PPARGC1A: variants seen among roughly 807,000 people sequenced by gnomAD.
PPARGC1A encodes PPARG coactivator 1 alpha, also known as peroxisome proliferator-activated receptor gamma coactivator 1-alpha.
PPARGC1A carries 25 observed loss-of-function variants against 88.7 expected under a neutral mutation model. That is an observed-to-expected ratio of 0.28 (90% CI 0.21 to 0.39). PPARGC1A has a LOEUF of 0.39. Among genes scored for constraint, PPARGC1A ranks in the 10% least tolerant of loss-of-function variants. The probability of loss-of-function intolerance (pLI) is 1.00; values close to 1 mark genes in which losing one functional copy is unlikely to be tolerated. For synonymous variants in PPARGC1A, 363 were observed against 355.6 expected, an observed-to-expected ratio of 1.02 and a Z score of -0.24; for missense variants, 880 against 968.7, an observed-to-expected ratio of 0.91 and a Z score of 1.22.
chr4:23,976,664 C>T, the PPARGC1A span, among the ~76,000 whole-genome samples: 1 of 152,036 alleles, frequency 6.6e-6, no homozygotes, highest in East Asian at 1.9e-4. Flanking sequence ...CCAACAGTAT[C>T]CATAAGATGA....
At chr4:23,827,731 TAGAA>T (rs1279136881) in intron 5 of PPARGC1A, among the ~76,000 whole-genome samples, 1 of 152,068 alleles carries the variant, frequency 6.6e-6, no homozygotes, top group Non-Finnish European at 1.5e-5. Flanking sequence ...CTTTCTTAAA[TAGAA>T]AGAAAACAAT....
chr4:24,148,537 A>G, the PPARGC1A span, among the ~76,000 whole-genome samples: 1 of 152,310 alleles, frequency 6.6e-6, no homozygotes, highest in South Asian at 2.1e-4. Flanking sequence ...ATAAGATGTA[A>G]GCAACATAGC....
At chr4:24,082,955 A>T in the PPARGC1A span, among the ~76,000 whole-genome samples, 3 of 152,206 alleles carry the variant, frequency 2.0e-5, no homozygotes, top group Non-Finnish European at 4.4e-5. Context: ...TTGTACCAAG[A>T]GGTACATAAA....
chr4:24,309,839 T>C, the PPARGC1A span, among the ~76,000 whole-genome samples: 3 of 152,166 alleles, frequency 2.0e-5, no homozygotes, highest in Non-Finnish European at 4.4e-5. Context: ...AGACCAATCC[T>C]GAGAGAGTAT....
At chr4:23,993,189 G>T in the PPARGC1A span, among the ~76,000 whole-genome samples, 1 of 152,116 alleles carries the variant, frequency 6.6e-6, no homozygotes, top group South Asian at 2.1e-4. Context: ...AAACTAAATG[G>T]AACAATGATG....
the PPARGC1A span, among the ~76,000 whole-genome samples, chr4:24,245,883 T>C: frequency 1.3e-5 from 2 of 151,958 alleles, no homozygotes; most frequent in Non-Finnish European, 2.9e-5. Context: ...GTTTTATTAT[T>C]AGTACATGGT....
the PPARGC1A span, among the ~76,000 whole-genome samples, chr4:23,996,612 A>C: frequency 3.9e-5 from 6 of 152,124 alleles, no homozygotes; most frequent in Non-Finnish European, 8.8e-5. Flanking sequence ...TCTTGAAAAC[A>C]CTTCCTAATG....
chr4:24,024,391 T>C, the PPARGC1A span, among the ~76,000 whole-genome samples: 3 of 152,206 alleles, frequency 2.0e-5, no homozygotes, highest in Non-Finnish European at 2.9e-5. Flanking sequence ...TTCCTTCCAC[T>C]ACATCAGCAG....
At chr4:24,251,754 C>T in the PPARGC1A span, among the ~76,000 whole-genome samples, 1 of 152,140 alleles carries the variant, frequency 6.6e-6, no homozygotes, top group African/African-American at 2.4e-5. Flanking sequence ...ATGATTCAAA[C>T]CCAGGCCTGT....
chr4:24,145,935 G>A, the PPARGC1A span, among the ~76,000 whole-genome samples: 1 of 152,172 alleles, frequency 6.6e-6, no homozygotes, highest in Non-Finnish European at 1.5e-5. Context: ...ACATTTCAAT[G>A]TTGGGAGAGG....
chr4:24,225,303 C>T, the PPARGC1A span, among the ~76,000 whole-genome samples: 21 of 152,136 alleles, frequency 1.4e-4, no homozygotes, highest in Non-Finnish European at 2.1e-4. Context: ...GGCACGGTGG[C>T]TCACGCCTCT....
the PPARGC1A span, among the ~76,000 whole-genome samples, chr4:24,229,152 CTT>C: frequency 3.1e-4 from 19 of 60,914 alleles, no homozygotes; most frequent in African/African-American, 5.9e-4. Flanking sequence ...GTATCTGGAC[CTT>C]TTTTTTTTTT....
In PPARGC1A at chr4:23,831,666, G is replaced by T. The variant is rs773848879; in HGVS notation, c.320C>A (p.Pro107His). 1.9e-6 allele frequency: 3 copies of T among 1,613,946 alleles called. No homozygotes were observed. In the Admixed American group the frequency reaches 5.0e-5, roughly 27 times the overall value. Reference sequence around the variant, plus strand: ...TCCATCTGTCAGCGCATCAAATGAGGGCAATCCGTCTTCATCCACAGGGAG... The same window carrying T: ...TCCATCTGTCAGCGCATCAAATGAGTGCAATCCGTCTTCATCCACAGGGAG... ...DSLPVDEDGLPSFDALTDGDV... is the reference protein window; with the variant it reads ...DSLPVDEDGLHSFDALTDGDV... The change falls in exon 3 of 13, where the codon CCC becomes CAC. Residue 107 changes from proline to histidine, a missense_variant. Pro to His is a moderately conservative substitution (Grantham distance 77). Coordinates refer to ENST00000264867, the MANE Select transcript of PPARGC1A (RefSeq NM_013261.5).
chr4:24,231,546 G>A, the PPARGC1A span, among the ~76,000 whole-genome samples: 1 of 152,130 alleles, frequency 6.6e-6, no homozygotes, highest in East Asian at 1.9e-4. Flanking sequence ...CATGTTTTGG[G>A]ACTTTACCCA....
At chr4:24,252,076 G>A in the PPARGC1A span, among the ~76,000 whole-genome samples, 1 of 151,834 alleles carries the variant, frequency 6.6e-6, no homozygotes, top group Non-Finnish European at 1.5e-5. Flanking sequence ...TAAGCATTTT[G>A]GAAGGAAATC....
At chr4:24,103,477 C>A in the PPARGC1A span, among the ~76,000 whole-genome samples, 1 of 151,960 alleles carries the variant, frequency 6.6e-6, no homozygotes, top group Non-Finnish European at 1.5e-5. Flanking sequence ...GAGAGCAGAG[C>A]CCTCCAACAC....
the PPARGC1A span, among the ~76,000 whole-genome samples, chr4:23,930,529 G>T: frequency 6.6e-6 from 1 of 151,946 alleles, no homozygotes; most frequent in Non-Finnish European, 1.5e-5. Flanking sequence ...CAGTTACAAG[G>T]TATAAAAAAA....
At chr4:24,092,777 T>G in the PPARGC1A span, among the ~76,000 whole-genome samples, 2 of 152,180 alleles carry the variant, frequency 1.3e-5, no homozygotes, top group African/African-American at 4.8e-5. Context: ...GCTCCCAAAC[T>G]TCTACTAAAG....
At chr4:24,470,865 G>T in the PPARGC1A span, among the ~76,000 whole-genome samples, 1 of 151,814 alleles carries the variant, frequency 6.6e-6, no homozygotes, top group Non-Finnish European at 1.5e-5. This position sits in a 1 kb window ranked among gnomAD's most constrained non-coding sequence, Gnocchi z 5.8. Flanking sequence ...AGCCCACGCC[G>T]GAGAGGTCTT....
Sources: gnomAD v4.1 joint callset for allele counts (sites outside exome capture counted in the v4.1 genomes callset) on GRCh38, gnomAD v4.1.1 for gene constraint, Gnocchi (gnomAD v3.1) non-coding constraint, MANE v1.5 for transcripts, NCBI Gene and HGNC (gene_info 2026-07-23, HGNC 2026-07-21) for gene names.